Variants in NSUN2 observed in about 807,000 individuals in gnomAD.
NSUN2 encodes the protein RNA cytosine C(5)-methyltransferase NSUN2.
In NSUN2, 63 loss-of-function variants were observed where a neutral mutation model predicts 92.7. The ratio of observed to expected loss-of-function variants is 0.68; its 90% CI spans 0.56 to 0.84. The LOEUF is 0.84. Ranked by LOEUF, NSUN2 falls within the 40% of genes least tolerant of loss-of-function variation. The pLI is 0.00. For missense variants in NSUN2, 989 were observed against 964.9 expected (o/e 1.02, Z -0.33); for synonymous variants, 356 against 348.3 (o/e 1.02, Z -0.25).
chr5:6,624,112 T>TTTAAGTGTATTTAAGTGTACA (rs1737561927), intron 4 of NSUN2, among the ~76,000 whole-genome samples: 1 of 152,228 alleles, frequency 6.6e-6, no homozygotes, highest in Admixed American at 6.5e-5. Flanking sequence ...TTTACACTGA[T>TTTAAGTGTATTTAAGTGTACA]GGCTGCTAAT....
At position 6,617,846 on chromosome 5, in the gene NSUN2, T is replaced by C. The variant is rs1737273783; in HGVS notation, c.890+104A>G. 10 of 828,130 alleles carry C rather than the reference T, an allele frequency of 1.2e-5. No homozygotes were observed. In the South Asian group the frequency reaches 2.1e-4, roughly 17 times the overall value. 51.3% of individuals were successfully genotyped at this position (828,130 alleles called of 1,614,324 possible). A position where few individuals can be genotyped will look rare whatever the true frequency, so the allele number is the denominator to read the frequency against. On this transcript the variant is annotated intron_variant, in intron 8 of 18. Coordinates refer to ENST00000264670, the MANE Select transcript of NSUN2 (RefSeq NM_017755.6). ...AAGGTGGCCATTGACCATCCTCTGA[T>C]GCTTACAGCTCTCTAATTAAAGATC... is the stretch of plus-strand genomic sequence containing the variant.
intron 18 of NSUN2, 75 bp from the exon 19 acceptor site, chr5:6,600,307 T>G: frequency 7.3e-7 from 1 of 1,371,484 alleles, no homozygotes; most frequent in Middle Eastern, 1.9e-4. Context: ...AATATGCAAC[T>G]GCTTAAAAAA....
chr5:6,610,597 T>C lies in NSUN2; in HGVS notation c.1226+358A>G, dbSNP rs557142443. Among the ~76,000 whole-genome samples the C allele has an allele frequency of 6.6e-5, 10 of 151,660 alleles. No homozygotes were observed. In the South Asian group the frequency reaches 1.5e-3, roughly 22 times the overall value. On this transcript the variant is annotated intron_variant, in intron 11 of 18. Transcript: ENST00000264670. ...TACTTGGGAGGCTGAGGCACGAGAATTGCTTGAACCCAGGAGGCAGAGGTT... is the reference window on the plus strand; with the variant it reads ...TACTTGGGAGGCTGAGGCACGAGAACTGCTTGAACCCAGGAGGCAGAGGTT...
chr5:6,625,436 G>A (rs551007142), intron 4 of NSUN2, 128 bp downstream of exon 4: 532 of 652,146 alleles, frequency 8.2e-4, no homozygotes, highest in Middle Eastern at 3.3e-3. Context: ...TGCACACACT[G>A]CAGTTGTCTT....
At chr5:6,606,493 G>T (rs1179367247) in intron 14 of NSUN2, among the ~76,000 whole-genome samples, 1 of 152,074 alleles carries the variant, frequency 6.6e-6, no homozygotes, top group Non-Finnish European at 1.5e-5. Context: ...CACCGTGTCA[G>T]CCAGGATGGT....
intron 3 of NSUN2, among the ~76,000 whole-genome samples, chr5:6,628,501 C>T (rs967125233): frequency 4.6e-5 from 7 of 152,206 alleles, no homozygotes; most frequent in African/African-American, 1.7e-4. Context: ...CTGGCCCAAG[C>T]TATGGTCCTA....
Position 6,599,697 on chromosome 5 carries a change from C to G in NSUN2, c.*229G>C, listed in dbSNP as rs1250635091. On this transcript the variant is annotated 3_prime_UTR_variant, in exon 19 of 19. Transcript: ENST00000264670. Reference sequence around the variant, plus strand: ...ACTAGACCCAGCTTGGCCAAAGAAACAAAATAAAACAAGTGATTTCTAACA... The same window carrying G: ...ACTAGACCCAGCTTGGCCAAAGAAAGAAAATAAAACAAGTGATTTCTAACA... 2 of 497,266 alleles carry G rather than the reference C, an allele frequency of 4.0e-6. No homozygotes were observed. Among genetic ancestry groups the G allele is most frequent in the Non-Finnish European group, 3.5e-6 (1 of 283,210 alleles). 30.8% of individuals were successfully genotyped at this position (497,266 alleles called of 1,614,324 possible).
intron 8 of NSUN2, among the ~76,000 whole-genome samples, 179 bp from the exon 9 acceptor site, chr5:6,617,036 T>C (rs1312887174): frequency 6.6e-6 from 1 of 151,824 alleles, no homozygotes; most frequent in African/African-American, 2.4e-5. Context: ...TTCATGTTAA[T>C]AAAAAAAATG....
intron 15 of NSUN2, chr5:6,604,901 T>G: frequency 1.7e-6 from 1 of 601,462 alleles, no homozygotes. Flanking sequence ...GGCCCCCAAA[T>G]GGCCAAATTC....
chr5:6,628,478 GA>G (rs1366000412), intron 3 of NSUN2, among the ~76,000 whole-genome samples: 1 of 152,158 alleles, frequency 6.6e-6, no homozygotes, highest in Non-Finnish European at 1.5e-5. Flanking sequence ...TGGAAAGTAA[GA>G]AAAAAATGAA....
chr5:6,611,750 C>T lies in NSUN2; in HGVS notation c.1070G>A (p.Trp357Ter). Residue 357 changes from tryptophan (W) to a stop codon, truncating the protein, a stop_gained, in exon 10 of 19, where the codon TGG becomes TAG. Transcript: ENST00000264670. LOFTEE classifies it high-confidence loss of function. The stretch of plus-strand genomic sequence containing the variant: ...CTTCCACTGTGTGATTCCAGGCATC[C>T]ACTTCAGCCCTGGCAGTTCATTAGA... ...DVSNELPGLK[W>*]MPGITQWKVM... is the part of the protein sequence containing the mutation. 1 of 1,614,108 alleles carries T rather than the reference C, an allele frequency of 6.2e-7. No homozygotes were observed. The highest frequency in any genetic ancestry group is 1.1e-5 in the South Asian group (1 of 91,084).
intron 17 of NSUN2, among the ~76,000 whole-genome samples, chr5:6,603,034 G>A (rs542484381): frequency 6.6e-6 from 1 of 152,214 alleles, no homozygotes; most frequent in South Asian, 2.1e-4. Context: ...TATCCCAAAG[G>A]AACCACACGA....
At chr5:6,626,610 A>G (rs1164661502) in intron 3 of NSUN2, among the ~76,000 whole-genome samples, 1 of 152,140 alleles carries the variant, frequency 6.6e-6, no homozygotes, top group African/African-American at 2.4e-5. Context: ...CAGTCTCCCA[A>G]AGTGTTGGGA....
intron 11 of NSUN2, 102 bp from the exon 12 acceptor site, chr5:6,610,024 C>A: frequency 1.3e-6 from 1 of 786,432 alleles, no homozygotes; most frequent in South Asian, 2.1e-5. Flanking sequence ...AAAATCATGT[C>A]TTCGACCCTC....
intron 4 of NSUN2, among the ~76,000 whole-genome samples, chr5:6,624,762 A>C (rs1433325662): frequency 6.6e-6 from 1 of 152,168 alleles, no homozygotes; most frequent in East Asian, 1.9e-4. Context: ...CAAAGTGAAA[A>C]AGAACCATAA....
chr5:6,604,509 G>T, intron 16 of NSUN2, 96 bp downstream of exon 16: 1 of 1,166,684 alleles, frequency 8.6e-7, no homozygotes, highest in Non-Finnish European at 1.3e-6. Flanking sequence ...CAAGCCCTGA[G>T]CCACTCAGAC....
chr5:6,611,744 G>A lies in NSUN2; in HGVS notation c.1076C>T (p.Pro359Leu), dbSNP rs759926263. The A allele has an allele frequency of 8.1e-6, 13 of 1,614,110 alleles. No individual in the cohort carries two copies. The South Asian group carries it at 1.2e-4, about 15-fold the overall frequency. ...SNELPGLKWM[P>L]GITQWKVMTK... ...GGTTACCTTCCACTGTGTGATTCCA[G>A]GCATCCACTTCAGCCCTGGCAGTTC... Residue 359 changes from proline to leucine, a missense_variant, in exon 10 of 19, where the codon CCT (proline) becomes CTT (leucine). Around this residue, in one of 3 missense-constraint regions of NSUN2, gnomAD observed 626 missense variants for 602.3 expected, o/e 1.04. Coordinates refer to ENST00000264670, the MANE Select transcript of NSUN2 (RefSeq NM_017755.6).
At chr5:6,619,519 A>G (rs916428188) in intron 7 of NSUN2, among the ~76,000 whole-genome samples, 18 of 152,338 alleles carry the variant, frequency 1.2e-4, no homozygotes, top group Non-Finnish European at 2.9e-5. Flanking sequence ...TCCTTTTAAA[A>G]AAACTTGTTA....
chr5:6,607,158 A>G, intron 13 of NSUN2, 42 bp downstream of exon 13: 1 of 1,593,540 alleles, frequency 6.3e-7, no homozygotes, highest in Non-Finnish European at 8.6e-7. Context: ...AGGACTGTGA[A>G]GACACCAGCG....
Sources: gnomAD v4.1 joint callset for allele counts (sites outside exome capture counted in the v4.1 genomes callset) on GRCh38, gnomAD v4.1.1 for gene constraint, gnomAD v4.1.1 regional missense constraint, MANE v1.5 for transcripts, NCBI Gene and HGNC (gene_info 2026-07-23, HGNC 2026-07-21) for gene names.